Variants in DOCK6 observed in about 807,000 individuals in gnomAD.
The protein encoded by DOCK6 is dedicator of cytokinesis protein 6.
DOCK6 carries 167 observed loss-of-function variants against 230.3 expected under a neutral mutation model. That is an observed-to-expected ratio of 0.73 (90% CI 0.64 to 0.82). DOCK6 has a LOEUF of 0.82. Ranked by LOEUF, DOCK6 falls within the 40% of genes least tolerant of loss-of-function variation. The pLI, the probability that DOCK6 is intolerant of heterozygous loss-of-function variation, is 0.00. For synonymous variants in DOCK6, 1,148 were observed against 1,185.0 expected (o/e 0.97, Z 0.64); for missense variants, 2,598 against 2,825.8 (o/e 0.92, Z 1.83).
rs1248192897 is a variant in DOCK6, at chr19:11,236,530, C to G, written c.2208G>C (p.Glu736Asp). The G allele has an allele frequency of 6.2e-7, 1 of 1,603,986 alleles. No individual in the cohort carries two copies. The highest frequency in any genetic ancestry group is 8.5e-7 in the Non-Finnish European group (1 of 1,175,594). Residue 736 changes from glutamate (E) to aspartate (D), a missense_variant, in exon 20 of 48, where the codon GAG becomes GAC. By Grantham distance (45) the Glu-to-Asp change is conservative. Coordinates refer to ENST00000294618, the MANE Select transcript of DOCK6 (RefSeq NM_020812.4). The surrounding 1 kb of genome is among the most constrained non-coding windows in gnomAD (Gnocchi z 5.2). Reference sequence around the variant, plus strand: ...CCTTGAGCCGGAATGGGAAGGCTCCCTCCTCCAGGACGTGCACCAGGGTGA... The same window carrying G: ...CCTTGAGCCGGAATGGGAAGGCTCCGTCCTCCAGGACGTGCACCAGGGTGA... The part of the protein sequence containing the change: ...KFFTLVHVLE[E>D]GAFPFRLKDT...
chr19:11,242,132 T>C lies in DOCK6; in HGVS notation c.1556A>G (p.Lys519Arg), dbSNP rs1401678461. The C allele has an allele frequency of 6.6e-6, 10 of 1,505,162 alleles. No homozygotes were observed. Among genetic ancestry groups the C allele is most frequent in the Non-Finnish European group, 8.9e-6 (10 of 1,129,568 alleles). The allele number at this position is 1,505,162 out of a possible 1,614,324, so 93.2% of individuals were successfully genotyped here. A position where few individuals can be genotyped will look rare whatever the true frequency, so the allele number is the denominator to read the frequency against. The change falls in exon 14 of 48, where the codon AAG becomes AGG. Residue 519 changes from lysine to arginine, a missense_variant. Lys to Arg is a conservative substitution (Grantham distance 26, BLOSUM62 2). Transcript: ENST00000294618. ...FCLSPELLHI[K>R]PYPDPRGRPT... Reference sequence around the variant, plus strand: ...CCGGCCCCTGGGGTCCGGGTAGGGCTTGATATGAAGCAGCTCAGGGGAGAG... The same window carrying C: ...CCGGCCCCTGGGGTCCGGGTAGGGCCTGATATGAAGCAGCTCAGGGGAGAG...
Position 11,200,890 on chromosome 19 carries a change from C to T in DOCK6, c.5832+19G>A, listed in dbSNP as rs1451286097. On this transcript the variant is annotated intron_variant, in intron 45 of 47. Transcript: ENST00000294618. The surrounding 1 kb of genome is among the most constrained non-coding windows in gnomAD (Gnocchi z 4.3). ...TGGAGTCCCCCGTGCGGCTTGCATC[C>T]CCCTTCCACCAGCCGTGCCTGGTTC... The T allele has an allele frequency of 1.4e-5, 22 of 1,613,860 alleles. No individual in the cohort carries two copies. Among genetic ancestry groups the T allele is most frequent in the Non-Finnish European group, 1.9e-5 (22 of 1,179,832 alleles).
At chr19:11,252,083 T>A (rs1462899661) in intron 5 of DOCK6, 36 bp downstream of exon 5, 4 of 1,575,024 alleles carry the variant, frequency 2.5e-6, no homozygotes, top group Non-Finnish European at 3.4e-6. Context: ...CCTCCACACA[T>A]ACCCCTTCAG....
At position 11,238,616 on chromosome 19, in the gene DOCK6, G is replaced by A. The variant is rs1396514665; in HGVS notation, c.1644-312C>T. On this transcript the variant is annotated intron_variant, in intron 14 of 47. Coordinates refer to ENST00000294618, the MANE Select transcript of DOCK6 (RefSeq NM_020812.4). ...TGACACACAGAAGGCAGAGAATAGC[G>A]AGGCACTCAGGGCCAGAGTTCCAAG... The A allele has an allele frequency of 1.3e-5, 4 of 315,694 alleles. No homozygotes were observed. In the East Asian group the frequency reaches 1.8e-4, roughly 14 times the overall value. 19.6% of individuals were successfully genotyped at this position (315,694 alleles called of 1,614,324 possible).
Position 11,238,245 on chromosome 19 carries a change from C to A in DOCK6, c.1703G>T (p.Arg568Leu), listed in dbSNP as rs751371468. The A allele has an allele frequency of 6.2e-7, 1 of 1,613,304 alleles. No homozygotes were observed. The highest frequency in any genetic ancestry group is 8.5e-7 in the Non-Finnish European group (1 of 1,179,488). The change falls in exon 15 of 48, where the codon CGC becomes CTC. Residue 568 changes from arginine to leucine, a missense_variant. Physicochemically the swap from Arg to Leu is moderately radical, Grantham distance 102. Transcript: ENST00000294618. ...LNFSSRQGSV[R>L]NLAVRVQYMT... Reference sequence around the variant, plus strand: ...GTACTGCACTCGCACAGCAAGGTTGCGCACGGAGCCCTGGCGGCTGCTGAA... The same window carrying A: ...GTACTGCACTCGCACAGCAAGGTTGAGCACGGAGCCCTGGCGGCTGCTGAA...
chr19:11,224,320 C>T (rs1373768400), intron 24 of DOCK6, among the ~76,000 whole-genome samples: 2 of 151,476 alleles, frequency 1.3e-5, no homozygotes, highest in African/African-American at 2.4e-5. Context: ...AAGCGATTCT[C>T]CTGCCTCAGC....
chr19:11,214,567 C>T lies in DOCK6; in HGVS notation c.4189G>A (p.Glu1397Lys). ...EASLVVLDTL[E>K]IIVQTVMLSE... ...TCAAGCCCTACCTGCACGATGATCTCCAGTGTGTCCAGAACCACTAGGCTT... is the reference window on the plus strand; with the variant it reads ...TCAAGCCCTACCTGCACGATGATCTTCAGTGTGTCCAGAACCACTAGGCTT... The change falls in exon 33 of 48, where the codon GAG becomes AAG. Residue 1397 changes from glutamate (E) to lysine (K), a missense_variant. Physicochemically the swap from Glu to Lys is moderately conservative, Grantham distance 56. Transcript: ENST00000294618. 9 of 1,613,914 alleles carry T rather than the reference C, an allele frequency of 5.6e-6. No homozygotes were observed. The highest frequency in any genetic ancestry group is 7.6e-6 in the Non-Finnish European group (9 of 1,179,876).
intron 5 of DOCK6, 183 bp downstream of exon 5, chr19:11,251,936 G>A: frequency 1.2e-6 from 1 of 842,452 alleles, no homozygotes; most frequent in East Asian, 2.7e-5. Context: ...GAAGCCTTCA[G>A]TACACCCTAA....
intron 14 of DOCK6, chr19:11,241,833 G>A (rs562977863): frequency 5.0e-6 from 7 of 1,398,696 alleles, no homozygotes; most frequent in South Asian, 2.5e-5. Flanking sequence ...AGAGACAGAC[G>A]CAGGCGGGGA....
At chr19:11,231,016 C>T (rs1417422455) in intron 22 of DOCK6, among the ~76,000 whole-genome samples, 3 of 152,168 alleles carry the variant, frequency 2.0e-5, no homozygotes, top group Non-Finnish European at 4.4e-5. Flanking sequence ...GAGGGCCTTC[C>T]ATTGAAAAGG....
rs1425266023 is a variant in DOCK6 at position 11,242,062 on chromosome 19, G to A, written c.1626C>T (p.Ala542=). 6.4e-7 allele frequency: 1 copy of A among 1,558,700 alleles called. No individual in the cohort carries two copies. Among genetic ancestry groups the A allele is most frequent in the Non-Finnish European group, 8.6e-7 (1 of 1,160,520 alleles). Residue 542 remains alanine, a synonymous_variant, in exon 14 of 48, where the codon GCC becomes GCT. Transcript: ENST00000294618. Reference sequence around the variant, plus strand: ...GGCCGTACCTGTAGCTGGTATGGGGGGCATAGACTTCGCGGGCGGGGAACT... The same window carrying A: ...GGCCGTACCTGTAGCTGGTATGGGGAGCATAGACTTCGCGGGCGGGGAACT... The part of the protein sequence containing the change: ...ILEFPAREVY[A]PHTSYRNLLY...
intron 2 of DOCK6, 91 bp downstream of exon 2, chr19:11,253,548 G>C: frequency 2.4e-6 from 2 of 842,914 alleles, no homozygotes; most frequent in Non-Finnish European, 3.4e-6. Flanking sequence ...GCCACAGGAG[G>C]GAGGGGGTGG....
Position 11,202,704 on chromosome 19 carries a change from C to T in DOCK6, c.5241G>A (p.Val1747=). The T allele has an allele frequency of 6.2e-7, 1 of 1,613,860 alleles. No individual in the cohort carries two copies. The highest frequency in any genetic ancestry group is 8.5e-7 in the Non-Finnish European group (1 of 1,179,902). ...IMHQSSGWER[V]FGTYFRVGFY... ...AGCCCACGCGGAAATACGTCCCGAA[C>T]ACGCGCTGGGGCTGTGAGAAAGGGT... is the stretch of plus-strand genomic sequence containing the variant. The change falls in exon 42 of 48, where the codon GTG becomes GTA. Residue 1747 remains valine (V), a synonymous_variant. Coordinates refer to ENST00000294618, the MANE Select transcript of DOCK6 (RefSeq NM_020812.4). The surrounding 1 kb of genome is among the most constrained non-coding windows in gnomAD (Gnocchi z 5.3).
intron 39 of DOCK6, 44 bp from the exon 40 acceptor site, chr19:11,204,375 T>C: frequency 6.3e-7 from 1 of 1,598,054 alleles, no homozygotes; most frequent in Non-Finnish European, 8.6e-7. Context: ...TGTCTTCCTC[T>C]CTCCACTGTG....
At chr19:11,227,722 G>A (rs1249949818) in intron 23 of DOCK6, among the ~76,000 whole-genome samples, 1 of 152,086 alleles carries the variant, frequency 6.6e-6, no homozygotes, top group Non-Finnish European at 1.5e-5. Flanking sequence ...ATGTGGGTGG[G>A]GCTTGTGACC....
chr19:11,222,937 A>T lies in DOCK6; in HGVS notation c.3070-32T>A. 1.2e-6 allele frequency: 2 copies of T among 1,612,900 alleles called. No individual in the cohort carries two copies. The highest frequency in any genetic ancestry group is 1.7e-6 in the Non-Finnish European group (2 of 1,179,524). Reference sequence around the variant, plus strand: ...GAGAGGGGTGGCCATCAGTGATGTCAACATTGCTCCGCCTTCCATCCATGC... The same window carrying T: ...GAGAGGGGTGGCCATCAGTGATGTCTACATTGCTCCGCCTTCCATCCATGC... On this transcript the variant is annotated intron_variant, in intron 25 of 47. Transcript: ENST00000294618. This position sits in a 1 kb window ranked among gnomAD's most constrained non-coding sequence, Gnocchi z 4.0.
In DOCK6 at chr19:11,238,095, G is replaced by C; in HGVS notation, c.1782C>G (p.Ser594Arg). The C allele has an allele frequency of 6.2e-7, 1 of 1,613,958 alleles. No homozygotes were observed. Among genetic ancestry groups the C allele is most frequent in the Non-Finnish European group, 8.5e-7 (1 of 1,179,872 alleles). Reference sequence around the variant, plus strand: ...AGGCCTCGCGGGTAAATTCACTGCAGCTGGACTTGCCAAAGATGACCTGGG... The same window carrying C: ...AGGCCTCGCGGGTAAATTCACTGCACCTGGACTTGCCAAAGATGACCTGGG... ...QALPVIFGKSSCSEFTREAFT... is the reference protein window; with the variant it reads ...QALPVIFGKSRCSEFTREAFT... Residue 594 changes from serine (S) to arginine (R), a missense_variant, in exon 16 of 48, where the codon AGC (serine) becomes AGG (arginine). Transcript: ENST00000294618.
Position 11,214,561 on chromosome 19 carries a change from TG to T in DOCK6, c.4194del (p.Ile1399SerfsTer5). 2 of 1,613,886 alleles carry T rather than the reference TG, an allele frequency of 1.2e-6. No homozygotes were observed. Among genetic ancestry groups the T allele is most frequent in the Non-Finnish European group, 8.5e-7 (1 of 1,179,872 alleles). ...ASLVVLDTLE[I>X]IVQTVMLSEA... ...GCTGGATCAAGCCCTACCTGCACGA[TG>T]ATCTCCAGTGTGTCCAGAACCACTA... On this transcript the variant is annotated frameshift_variant, in exon 33 of 48. Coordinates refer to ENST00000294618, the MANE Select transcript of DOCK6 (RefSeq NM_020812.4). LOFTEE classifies it high-confidence loss of function.
intron 1 of DOCK6, among the ~76,000 whole-genome samples, chr19:11,260,776 A>G (rs2080271431): frequency 6.7e-6 from 1 of 148,542 alleles, no homozygotes; most frequent in Admixed American, 6.8e-5. Flanking sequence ...CCAGCTACTC[A>G]GGAGGCTGAG....
Sources: allele counts gnomAD v4.1 joint callset (sites outside exome capture counted in the v4.1 genomes callset), GRCh38; gene constraint gnomAD v4.1.1; non-coding constraint Gnocchi (gnomAD v3.1); transcripts MANE v1.5; gene names NCBI Gene and HGNC (gene_info 2026-07-23, HGNC 2026-07-21).